Variants in CDH18 observed in about 807,000 individuals in gnomAD.
CDH18 encodes the protein cadherin-18.
CDH18 carries 31 observed loss-of-function variants against 67.9 expected under a neutral mutation model. The observed-to-expected ratio is 0.46, with a 90% CI of 0.34 to 0.62. The LOEUF (loss-of-function observed/expected upper bound fraction) is 0.62, where lower values mean the gene tolerates loss of function less well. Among genes scored for constraint, CDH18 ranks in the 20% least tolerant of loss-of-function variants. The probability of loss-of-function intolerance (pLI) is 0.01; values close to 1 mark genes in which losing one functional copy is unlikely to be tolerated. For synonymous variants in CDH18, 362 were observed against 347.2 expected (o/e 1.04, Z -0.48); for missense variants, 890 against 975.5 (o/e 0.91, Z 1.17).
intron 1 of CDH18, among the ~76,000 whole-genome samples, chr5:20,482,761 G>C (rs753154672): frequency 6.6e-6 from 1 of 151,854 alleles, no homozygotes; most frequent in Non-Finnish European, 1.5e-5. Flanking sequence ...ACTGGCTATA[G>C]AAGGAACATA....
Position 19,839,118 on chromosome 5 carries a change from T to C in CDH18, c.-132A>G. Reference sequence around the variant, plus strand: ...CAAAGTAAATTGTTTAGCGTGTCCATGATTTAACTGTCCATCAGGGAAAGG... The same window carrying C: ...CAAAGTAAATTGTTTAGCGTGTCCACGATTTAACTGTCCATCAGGGAAAGG... On this transcript the variant is annotated 5_prime_UTR_variant, in exon 3 of 13. An upstream start codon of the reference 5' UTR is lost. Transcript: ENST00000382275. The C allele has an allele frequency of 1.5e-6, 1 of 652,886 alleles. No individual in the cohort carries two copies. Among genetic ancestry groups the C allele is most frequent in the Non-Finnish European group, 2.7e-6 (1 of 369,454 alleles). 40.4% of individuals were successfully genotyped at this position (652,886 alleles called of 1,614,324 possible).
At chr5:20,222,502 G>C (rs1382729288) in intron 2 of CDH18, among the ~76,000 whole-genome samples, 1 of 152,142 alleles carries the variant, frequency 6.6e-6, no homozygotes, top group Non-Finnish European at 1.5e-5. Context: ...CAACAATGTG[G>C]CTTCTAGAAA....
upstream of CDH18, among the ~76,000 whole-genome samples, chr5:19,990,340 G>T (rs1394650988): frequency 1.3e-5 from 2 of 152,180 alleles, no homozygotes; most frequent in African/African-American, 4.8e-5. Flanking sequence ...TGAAGCAGTG[G>T]CTGAGACACA....
intron 2 of CDH18, among the ~76,000 whole-genome samples, chr5:20,221,629 T>C (rs555626819): frequency 6.6e-6 from 1 of 152,224 alleles, no homozygotes; most frequent in African/African-American, 2.4e-5. Context: ...TTGGATTGTT[T>C]TTAACACAAA....
At chr5:19,532,756 T>C (rs1242958486) in intron 9 of CDH18, among the ~76,000 whole-genome samples, 4 of 152,164 alleles carry the variant, frequency 2.6e-5, no homozygotes, top group African/African-American at 9.7e-5. Context: ...AGATAAATGA[T>C]AGGAAATAGT....
At chr5:19,879,352 C>T (rs1561495348) in intron 2 of CDH18, among the ~76,000 whole-genome samples, 2 of 151,642 alleles carry the variant, frequency 1.3e-5, no homozygotes, top group African/African-American at 2.4e-5. Flanking sequence ...TATGGGGGAG[C>T]ACATATTAAT....
At chr5:20,448,634 C>T (rs1750192639) in intron 1 of CDH18, among the ~76,000 whole-genome samples, 1 of 152,016 alleles carries the variant, frequency 6.6e-6, no homozygotes, top group Non-Finnish European at 1.5e-5. Flanking sequence ...AATTTTCTCA[C>T]TACCTACCTC....
chr5:20,152,863 C>G (rs897589282), intron 2 of CDH18, among the ~76,000 whole-genome samples: 7 of 151,670 alleles, frequency 4.6e-5, no homozygotes, highest in African/African-American at 1.7e-4. Flanking sequence ...GATCCCTATT[C>G]AGATGCATTA....
intron 8 of CDH18, among the ~76,000 whole-genome samples, chr5:19,564,547 T>C (rs995029163): frequency 1.3e-5 from 2 of 152,132 alleles, no homozygotes; most frequent in Admixed American, 6.5e-5. Context: ...CCCTTGGACC[T>C]TGAGTAAGCA....
In CDH18 at chr5:20,427,234, C is replaced by T. The variant is rs552605877; in HGVS notation, c.-580+148228G>A. Among the ~76,000 whole-genome samples the T allele has an allele frequency of 2.5e-4, 38 of 151,028 alleles. 1 individual carries two copies. The South Asian group carries it at 6.0e-3, about 24-fold the overall frequency. Reference sequence around the variant, plus strand: ...ATAACTAAATACAATCCTAAATTTGCTCTATTTATACTGAATTCAAAAAAT... The same window carrying T: ...ATAACTAAATACAATCCTAAATTTGTTCTATTTATACTGAATTCAAAAAAT... On this transcript the variant is annotated intron_variant, in intron 1 of 14. Transcript: ENST00000507958.
chr5:19,907,189 A>T (rs1008662562), intron 2 of CDH18, among the ~76,000 whole-genome samples: 8 of 151,982 alleles, frequency 5.3e-5, no homozygotes, highest in Non-Finnish European at 8.8e-5. Context: ...ATTCATGGTT[A>T]TGTGTGTTTC....
chr5:20,062,351 A>G (rs866536583), intron 2 of CDH18, among the ~76,000 whole-genome samples: 1 of 151,820 alleles, frequency 6.6e-6, no homozygotes, highest in Non-Finnish European at 1.5e-5. Flanking sequence ...ATGGGGTTTC[A>G]CCATGTTGGC....
intron 1 of CDH18, chr5:20,304,797 T>C: frequency 6.2e-7 from 1 of 1,611,176 alleles, no homozygotes; most frequent in Non-Finnish European, 8.5e-7. Flanking sequence ...GAGACCGTGT[T>C]TCAGCCGCAG....
chr5:20,055,907 T>C (rs114400029), intron 2 of CDH18, among the ~76,000 whole-genome samples: 1,732 of 151,614 alleles, frequency 0.011, 38 homozygotes, highest in African/African-American at 0.04. Flanking sequence ...CTGCTGTCTG[T>C]GGAGAAAGAT....
intron 3 of CDH18, among the ~76,000 whole-genome samples, chr5:19,819,493 C>A (rs112250749): frequency 6.6e-6 from 1 of 152,088 alleles, no homozygotes; most frequent in African/African-American, 2.4e-5. Flanking sequence ...AGCTAGGAAG[C>A]CTATATGGAG....
chr5:19,986,700 T>C (rs1429256168), intron 1 of CDH18, among the ~76,000 whole-genome samples: 5 of 152,196 alleles, frequency 3.3e-5, no homozygotes, highest in East Asian at 1.9e-4. Flanking sequence ...TAATAGGTGA[T>C]AGCACCAGAG....
At chr5:20,545,748 C>T (rs1757306675) in intron 1 of CDH18, among the ~76,000 whole-genome samples, 3 of 152,160 alleles carry the variant, frequency 2.0e-5, no homozygotes, top group South Asian at 4.1e-4. Flanking sequence ...CTCTGATATG[C>T]CCTGGAGACA....
At chr5:19,858,248 T>C (rs1419337505) in intron 2 of CDH18, among the ~76,000 whole-genome samples, 1 of 152,156 alleles carries the variant, frequency 6.6e-6, no homozygotes, top group East Asian at 1.9e-4. Flanking sequence ...AGAGTTATTA[T>C]TTAAAGACCT....
chr5:19,477,129 GAT>G (rs567360950), intron 12 of CDH18, among the ~76,000 whole-genome samples: 26 of 146,972 alleles, frequency 1.8e-4, no homozygotes, highest in African/African-American at 3.7e-4. Context: ...AATAAAAGGA[GAT>G]ATATATATAT....
Sources: gnomAD v4.1 joint callset for allele counts (sites outside exome capture counted in the v4.1 genomes callset) on GRCh38, gnomAD v4.1.1 for gene constraint, MANE v1.5 for transcripts, NCBI Gene and HGNC (gene_info 2026-07-23, HGNC 2026-07-21) for gene names.